CLEC17A: variants seen among roughly 807,000 people sequenced by gnomAD.
CLEC17A encodes the protein C-type lectin domain family 17, member A.
Under a neutral mutation model 61.3 loss-of-function variants are expected in CLEC17A, and 37 were observed. The observed-to-expected ratio is 0.60, with a 90% CI of 0.46 to 0.79. The LOEUF (loss-of-function observed/expected upper bound fraction) is 0.79, where lower values mean the gene tolerates loss of function less well. Among genes scored for constraint, CLEC17A ranks in the 30% least tolerant of loss-of-function variants. The pLI, the probability that CLEC17A is intolerant of heterozygous loss-of-function variation, is 0.00. For missense variants in CLEC17A, 418 were observed against 464.7 expected (o/e 0.90, Z 0.92); for synonymous variants, 168 against 164.9 (o/e 1.02, Z -0.14).
intron 12 of CLEC17A, among the ~76,000 whole-genome samples, chr19:14,604,057 G>A (rs1417902190): frequency 6.6e-6 from 1 of 152,122 alleles, no homozygotes; most frequent in Non-Finnish European, 1.5e-5. Flanking sequence ...CTGTTCTTGG[G>A]CACAAGAGAT....
At chr19:14,592,795 G>C (rs554084405) in intron 4 of CLEC17A, among the ~76,000 whole-genome samples, 40 of 152,074 alleles carry the variant, frequency 2.6e-4, no homozygotes, top group Non-Finnish European at 5.0e-4. Flanking sequence ...CTCCCGATTA[G>C]CTGGGATTGC....
At chr19:14,604,279 G>A (rs1404415968) in intron 12 of CLEC17A, among the ~76,000 whole-genome samples, 2 of 152,108 alleles carry the variant, frequency 1.3e-5, no homozygotes, top group Middle Eastern at 6.8e-3. Context: ...AAAGCTCACC[G>A]GAAATGAGAT....
At chr19:14,601,885 C>T (rs537801947) in intron 12 of CLEC17A, among the ~76,000 whole-genome samples, 8 of 151,302 alleles carry the variant, frequency 5.3e-5, no homozygotes, top group East Asian at 2.0e-4. Flanking sequence ...CTCTGACTCC[C>T]GGGTTCACGC....
chr19:14,594,714 A>G (rs774830203), intron 6 of CLEC17A, 32 bp downstream of exon 6: 1 of 1,613,928 alleles, frequency 6.2e-7, no homozygotes, highest in South Asian at 1.1e-5. Context: ...CTTCCTGCTC[A>G]CCTGGCTGAA....
chr19:14,600,316 G>A, intron 12 of CLEC17A, 134 bp downstream of exon 12: 4 of 1,072,638 alleles, frequency 3.7e-6, no homozygotes, highest in Non-Finnish European at 5.3e-6. Flanking sequence ...TTAACAGCAA[G>A]CTCTTCCTAA....
chr19:14,583,361 C>G lies in CLEC17A; in HGVS notation c.48C>G (p.Thr16=), dbSNP rs1219730563. ...GACTTGCCTTTCCCCTGGAAGGGAC[C>G]ATGGAGGAGGAGGAGGAGGATGATG... The part of the protein sequence containing the change: ...SITGYPDPPG[T]MEEEEEDDDY... Residue 16 remains threonine (T), a synonymous_variant, in exon 2 of 14, where the codon ACC becomes ACG. Coordinates refer to ENST00000417570, the MANE Select transcript of CLEC17A (RefSeq NM_001204118.2). 6 of 1,596,940 alleles carry G rather than the reference C, an allele frequency of 3.8e-6. No homozygotes were observed. The highest frequency in any genetic ancestry group is 2.2e-5 in the South Asian group (2 of 89,372).
chr19:14,603,380 T>C (rs1470815933), intron 12 of CLEC17A, among the ~76,000 whole-genome samples: 1 of 152,140 alleles, frequency 6.6e-6, no homozygotes, highest in Non-Finnish European at 1.5e-5. Context: ...AGTTTTCTCA[T>C]CTACAAAATG....
intron 13 of CLEC17A, among the ~76,000 whole-genome samples, chr19:14,609,313 TAG>T (rs2074988956): frequency 6.6e-6 from 1 of 152,130 alleles, no homozygotes; most frequent in South Asian, 2.1e-4. Context: ...AGGCTGAGGC[TAG>T]AGTCATCTGA....
intron 7 of CLEC17A, 21 bp from the exon 8 acceptor site, chr19:14,595,253 C>G: frequency 6.2e-7 from 1 of 1,613,722 alleles, no homozygotes; most frequent in Non-Finnish European, 8.5e-7. Flanking sequence ...CTGAATAAAC[C>G]TCTCTCCCCC....
chr19:14,582,943 TG>T (rs1328124649), upstream of CLEC17A: 5 of 550,360 alleles, frequency 9.1e-6, no homozygotes, highest in African/African-American at 9.8e-5. Context: ...GAATCCAAAC[TG>T]GGGAGAAAGG....
intron 2 of CLEC17A, 70 bp downstream of exon 2, chr19:14,583,504 G>A (rs1374767825): frequency 1.3e-6 from 2 of 1,597,464 alleles, no homozygotes; most frequent in African/African-American, 1.3e-5. Flanking sequence ...CATTGGTTGG[G>A]CATTGTAGAC....
intron 12 of CLEC17A, among the ~76,000 whole-genome samples, chr19:14,606,354 G>T (rs1217172902): frequency 6.8e-6 from 1 of 146,020 alleles, no homozygotes; most frequent in Non-Finnish European, 1.5e-5. Flanking sequence ...CAGTCTGGTT[G>T]ACAGAGTGAG....
At chr19:14,588,130 G>C (rs2074329419) in intron 3 of CLEC17A, among the ~76,000 whole-genome samples, 1 of 152,018 alleles carries the variant, frequency 6.6e-6, no homozygotes, top group South Asian at 2.1e-4. Flanking sequence ...GTTTTATTTA[G>C]ACTTGGATCA....
intron 12 of CLEC17A, among the ~76,000 whole-genome samples, chr19:14,605,335 A>G (rs1364382335): frequency 6.6e-6 from 1 of 151,268 alleles, no homozygotes; most frequent in Non-Finnish European, 1.5e-5. Flanking sequence ...ACCTCAGGTG[A>G]TCCACCTGTG....
intron 3 of CLEC17A, among the ~76,000 whole-genome samples, chr19:14,591,588 C>G (rs574336623): frequency 4.7e-5 from 7 of 148,742 alleles, no homozygotes; most frequent in African/African-American, 1.2e-4. Context: ...GAATCTCACT[C>G]TGTCACTCAG....
intron 4 of CLEC17A, among the ~76,000 whole-genome samples, chr19:14,592,821 T>C (rs913597970): frequency 4.6e-5 from 7 of 152,026 alleles, no homozygotes; most frequent in African/African-American, 9.7e-5. Flanking sequence ...CCTGCTACCA[T>C]GCCTGGTTAA....
Position 14,610,114 on chromosome 19 carries a change from C to T in CLEC17A, c.1055C>T (p.Thr352Ile), listed in dbSNP as rs1287770447. Reference protein sequence around the residue: ...PNNIHDEDCATMNKGGTWNDL... With the variant: ...PNNIHDEDCAIMNKGGTWNDL... ...AACATCCACGATGAGGACTGTGCTA[C>T]CATGAACAAAGGTGGCACCTGGAAT... The change falls in exon 14 of 14, where the codon ACC becomes ATC. Residue 352 changes from threonine (T) to isoleucine (I), a missense_variant. Physicochemically the swap from Thr to Ile is moderately conservative, Grantham distance 89 (BLOSUM62 -1). Coordinates refer to ENST00000417570, the MANE Select transcript of CLEC17A (RefSeq NM_001204118.2). 1 of 1,612,084 alleles carries T rather than the reference C, an allele frequency of 6.2e-7. No homozygotes were observed. The highest frequency in any genetic ancestry group is 8.5e-7 in the Non-Finnish European group (1 of 1,179,156).
Position 14,599,079 on chromosome 19 carries a change from C to CTTTTTTTTTT in CLEC17A, c.647-621_647-612dup, listed in dbSNP as rs796835309. ...CAACATACTTGCCTCTGTATCTTTG[C>CTTTTTTTTTT]TTTTTTTTTTTTTTTTTTTTTTTTT... On this transcript the variant is annotated intron_variant, in intron 10 of 13. Transcript: ENST00000417570. 5.4e-4 allele frequency among the ~76,000 whole-genome samples: 31 copies of CTTTTTTTTTT among 56,944 alleles called. 9 individuals are homozygous for CTTTTTTTTTT. Among genetic ancestry groups the CTTTTTTTTTT allele is most frequent in the Non-Finnish European group, 7.9e-4 (24 of 30,502 alleles). The allele number at this position is 56,944 out of a possible 152,430, so 37.4% of individuals were successfully genotyped here.
In CLEC17A at chr19:14,594,818, C is replaced by A; in HGVS notation, c.403+18C>A. On this transcript the variant is annotated intron_variant, in intron 7 of 13. Coordinates refer to ENST00000417570, the MANE Select transcript of CLEC17A (RefSeq NM_001204118.2). Reference sequence around the variant, plus strand: ...TCAACTGGGTGAGCAGTGGGAAGACCCTTTAAGATGCCTAAGAGGGGATAC... The same window carrying A: ...TCAACTGGGTGAGCAGTGGGAAGACACTTTAAGATGCCTAAGAGGGGATAC... 1.2e-6 allele frequency: 2 copies of A among 1,610,338 alleles called. No individual in the cohort carries two copies. Among genetic ancestry groups the A allele is most frequent in the Non-Finnish European group, 1.7e-6 (2 of 1,177,062 alleles).
Sources: gnomAD v4.1 joint callset for allele counts (sites outside exome capture counted in the v4.1 genomes callset) on GRCh38, gnomAD v4.1.1 for gene constraint, MANE v1.5 for transcripts, NCBI Gene and HGNC (gene_info 2026-07-23, HGNC 2026-07-21) for gene names.